KIR3DL1: variants seen among roughly 807,000 people sequenced by gnomAD.
KIR3DL1 encodes killer cell immunoglobulin-like receptor 3DL1.
In KIR3DL1, 50 loss-of-function variants were observed where a neutral mutation model predicts 40.3. The ratio of observed to expected loss-of-function variants is 1.24; its 90% CI spans 0.99 to 1.57. The LOEUF is 1.57. Among genes scored for constraint, KIR3DL1 ranks in the 40% most tolerant of loss-of-function variants. KIR3DL1 has a pLI of 0.00. For missense variants in KIR3DL1, 661 were observed against 559.9 expected, an observed-to-expected ratio of 1.18 and a Z score of -1.82; for synonymous variants, 257 against 207.2, an observed-to-expected ratio of 1.24 and a Z score of -2.07.
Position 54,823,490 on chromosome 19 carries a change from T to C in KIR3DL1, c.950-1538T>C, listed in dbSNP as rs549964615. On this transcript the variant is annotated intron_variant, in intron 5 of 8. Transcript: ENST00000391728. Reference sequence around the variant, plus strand: ...GCAGTAAAAGCCATTTTACTTTACTTTATTTTATTTATTTATTTATGTTGA... The same window carrying C: ...GCAGTAAAAGCCATTTTACTTTACTCTATTTTATTTATTTATTTATGTTGA... Among the ~76,000 whole-genome samples, 27 of 151,358 alleles carry C rather than the reference T, an allele frequency of 1.8e-4. No individual in the cohort carries two copies. In the East Asian group the frequency reaches 5.0e-3, roughly 28 times the overall value.
In KIR3DL1 at chr19:54,823,257, A is replaced by C. The variant is rs531291892; in HGVS notation, c.949+1399A>C. 1.5e-4 allele frequency among the ~76,000 whole-genome samples: 22 copies of C among 151,010 alleles called. 3 individuals are homozygous for C. In the South Asian group the frequency reaches 4.2e-3, roughly 29 times the overall value. ...TCCCAATTTTGGGCAGGCTGCTCTC[A>C]AACTCCTGACCTCAAGTGAGGTGCC... is the stretch of plus-strand genomic sequence containing the variant. On this transcript the variant is annotated intron_variant, in intron 5 of 8. Coordinates refer to ENST00000391728, the Ensembl canonical transcript of KIR3DL1.
chr19:54,816,498 A>G, exon 1 of KIR3DL1: 1 of 1,606,766 alleles, frequency 6.2e-7, no homozygotes, highest in Middle Eastern at 1.7e-4. Flanking sequence ...CACCGGCAGC[A>G]CCATGTCGCT....
intron 4 of KIR3DL1, 135 bp from the exon 5 acceptor site, chr19:54,821,430 A>G: frequency 1.7e-6 from 2 of 1,175,302 alleles, no homozygotes; most frequent in Non-Finnish European, 2.4e-6. Flanking sequence ...AGATATGAAG[A>G]GAGATGGGGT....
chr19:54,819,886 A>T lies in KIR3DL1; in HGVS notation c.529A>T (p.Lys177Ter). 6.2e-7 allele frequency: 1 copy of T among 1,612,246 alleles called. No individual in the cohort carries two copies. Among genetic ancestry groups the T allele is most frequent in the Non-Finnish European group, 8.5e-7 (1 of 1,179,586 alleles). Residue 177 changes from lysine (K) to a stop codon, truncating the protein, a stop_gained, in exon 4 of 9, where the codon AAG becomes TAG. Coordinates refer to ENST00000391728, the Ensembl canonical transcript of KIR3DL1. LOFTEE classifies it high-confidence loss of function. ...TGGACAGATCCATGATGGGGTCTCC[A>T]AGGCCAATTTCTCCATCGGTCCCAT... is the stretch of plus-strand genomic sequence containing the variant.
chr19:54,816,823 G>T (rs2148050336), intron 1 of KIR3DL1, among the ~76,000 whole-genome samples: 1 of 126,912 alleles, frequency 7.9e-6, no homozygotes, highest in Non-Finnish European at 1.6e-5. Context: ...TGGGCCTGGA[G>T]GGGAGATGTG....
chr19:54,822,000 G>A, intron 5 of KIR3DL1, 142 bp downstream of exon 5: 2 of 1,011,464 alleles, frequency 2.0e-6, no homozygotes, highest in Non-Finnish European at 2.9e-6. Context: ...GCGCAGGATG[G>A]CAGACAGGGC....
chr19:54,818,029 G>A (rs2061435533), intron 2 of KIR3DL1, among the ~76,000 whole-genome samples: 1 of 148,904 alleles, frequency 6.7e-6, no homozygotes, highest in Non-Finnish European at 1.5e-5. Context: ...CATTCACATA[G>A]GACTTGCCCT....
chr19:54,827,368 A>T (rs1287918854), intron 6 of KIR3DL1, among the ~76,000 whole-genome samples: 1 of 150,914 alleles, frequency 6.6e-6, no homozygotes, highest in Non-Finnish European at 1.5e-5. Flanking sequence ...AGGCCAGTGG[A>T]TTCCAAGAAG....
chr19:54,827,211 G>A (rs1181089367), intron 6 of KIR3DL1, among the ~76,000 whole-genome samples: 1 of 151,438 alleles, frequency 6.6e-6, no homozygotes, highest in Admixed American at 6.6e-5. Flanking sequence ...TTCTTTCTGA[G>A]ATTTATTCCT....
rs199546370 is a variant in KIR3DL1 at position 54,829,431 on chromosome 19, C to G, written c.1071C>G (p.Phe357Leu). ...TCATCCTCTTCATCCTCCTCCTCTT[C>G]TTTCTCCTTCATCTCTGGTGCTCCA... Residue 357 changes from phenylalanine to leucine, a missense_variant, in exon 7 of 9, where the codon TTC becomes TTG. By Grantham distance (22) the Phe-to-Leu change is conservative (BLOSUM62 0). Around this residue, in one of 3 missense-constraint regions of KIR3DL1, gnomAD observed 107 missense variants for 129.4 expected, o/e 0.83. Coordinates refer to ENST00000391728, the Ensembl canonical transcript of KIR3DL1. 2.4e-5 allele frequency: 36 copies of G among 1,502,620 alleles called. 5 individuals are homozygous for G. Among genetic ancestry groups the G allele is most frequent in the African/African-American group, 4.2e-5 (3 of 71,822 alleles). The allele number at this position is 1,502,620 out of a possible 1,614,324, so 93.1% of individuals were successfully genotyped here.
intron 1 of KIR3DL1, 42 bp from the exon 2 acceptor site, chr19:54,817,492 T>G (rs1159013708): frequency 6.9e-7 from 1 of 1,450,634 alleles, no homozygotes; most frequent in Non-Finnish European, 9.5e-7. Flanking sequence ...GGTGCCCTGG[T>G]TTGCCTGCAG....
At chr19:54,829,935 T>C in exon 8 of KIR3DL1, 1 of 1,519,410 alleles carries the variant, frequency 6.6e-7, no homozygotes, top group Non-Finnish European at 8.9e-7. Flanking sequence ...CAGATGCTGC[T>C]GTAATGGACC....
intron 5 of KIR3DL1, among the ~76,000 whole-genome samples, chr19:54,823,590 C>G (rs1410664018): frequency 2.0e-5 from 3 of 151,166 alleles, no homozygotes; most frequent in African/African-American, 4.9e-5. Flanking sequence ...CTCCGCCTCC[C>G]GCGTTCAACT....
chr19:54,818,381 C>A, exon 3 of KIR3DL1: 1 of 1,607,148 alleles, frequency 6.2e-7, no homozygotes, highest in Non-Finnish European at 8.5e-7. Flanking sequence ...GGACACGTGA[C>A]TCTTCGGTGT....
chr19:54,817,258 G>T (rs1445085091), intron 1 of KIR3DL1, among the ~76,000 whole-genome samples: 5 of 145,490 alleles, frequency 3.4e-5, no homozygotes, highest in Non-Finnish European at 6.0e-5. Flanking sequence ...GGACTTACCA[G>T]CCTGGAGAGG....
intron 4 of KIR3DL1, among the ~76,000 whole-genome samples, chr19:54,820,714 A>G (rs2061590028): frequency 6.6e-6 from 1 of 151,274 alleles, no homozygotes; most frequent in Non-Finnish European, 1.5e-5. Flanking sequence ...AGACACATAA[A>G]AAGAAAGAAA....
At position 54,827,438 on chromosome 19, in the gene KIR3DL1, C is replaced by G. The variant is rs898132656; in HGVS notation, c.1001-1923C>G. 2.6e-4 allele frequency among the ~76,000 whole-genome samples: 38 copies of G among 143,524 alleles called. 3 individuals are homozygous for G. Among genetic ancestry groups the G allele is most frequent in the African/African-American group, 9.9e-4 (38 of 38,222 alleles). The allele number at this position is 143,524 out of a possible 152,430, so 94.2% of individuals were successfully genotyped here. The stretch of plus-strand genomic sequence containing the variant: ...AAACCCTATCTCTACATGGTGAAAC[C>G]CTATCTCTCCTAAAAATACAAAAAT... On this transcript the variant is annotated intron_variant, in intron 6 of 8. Coordinates refer to ENST00000391728, the Ensembl canonical transcript of KIR3DL1.
chr19:54,817,906 G>T (rs372425226), intron 2 of KIR3DL1, among the ~76,000 whole-genome samples: 3 of 145,002 alleles, frequency 2.1e-5, no homozygotes, highest in African/African-American at 8.1e-5. Flanking sequence ...GTGATGGTAG[G>T]GGCTGCAGTG....
intron 1 of KIR3DL1, among the ~76,000 whole-genome samples, chr19:54,817,239 G>C (rs1342130788): frequency 1.4e-5 from 2 of 146,762 alleles, no homozygotes; most frequent in East Asian, 2.1e-4. Context: ...GGAGATATGG[G>C]CCTGGAGTGG....
Sources: gnomAD v4.1 joint callset for allele counts (sites outside exome capture counted in the v4.1 genomes callset) on GRCh38, gnomAD v4.1.1 for gene constraint, gnomAD v4.1.1 regional missense constraint, MANE v1.5 for transcripts, NCBI Gene and HGNC (gene_info 2026-07-23, HGNC 2026-07-21) for gene names.